MYT1: variants seen among roughly 807,000 people sequenced by gnomAD.
MYT1 encodes myelin transcription factor I.
Under a neutral mutation model 123.0 loss-of-function variants are expected in MYT1, and 23 were observed. The ratio of observed to expected loss-of-function variants is 0.19; its 90% CI spans 0.13 to 0.26. The LOEUF is 0.26. MYT1 is among the 10% of genes least tolerant of loss of function. MYT1 has a pLI of 1.00. For synonymous variants in MYT1, 518 were observed against 575.3 expected, an observed-to-expected ratio of 0.90 and a Z score of 1.43; for missense variants, 1,125 against 1,472.5, an observed-to-expected ratio of 0.76 and a Z score of 3.86.
chr20:64,201,447 TC>T (rs1983295436), intron 4 of MYT1, among the ~76,000 whole-genome samples: 2 of 140,718 alleles, frequency 1.4e-5, no homozygotes, highest in Admixed American at 1.4e-4. Flanking sequence ...AATAATTTCT[TC>T]AGCAATTCTT....
At chr20:64,188,277 C>G (rs961689519) in intron 1 of MYT1, among the ~76,000 whole-genome samples, 1 of 152,162 alleles carries the variant, frequency 6.6e-6, no homozygotes, top group Non-Finnish European at 1.5e-5. Flanking sequence ...GAGTCGCACT[C>G]GGGAGAGGCA....
At chr20:64,215,666 C>T (rs1009375022) in intron 10 of MYT1, among the ~76,000 whole-genome samples, 1 of 151,922 alleles carries the variant, frequency 6.6e-6, no homozygotes, top group Non-Finnish European at 1.5e-5. Flanking sequence ...CTCACTATAA[C>T]CTCAAACTCC....
chr20:64,205,453 G>A, intron 5 of MYT1, 100 bp from the exon 6 acceptor site: 1 of 1,518,292 alleles, frequency 6.6e-7, no homozygotes, highest in African/African-American at 1.4e-5. Flanking sequence ...AGTCTGTGGG[G>A]AAGGGAGGGA....
At chr20:64,206,535 C>T (rs780096340) in intron 6 of MYT1, among the ~76,000 whole-genome samples, 2 of 152,102 alleles carry the variant, frequency 1.3e-5, no homozygotes, top group African/African-American at 2.4e-5. Context: ...GCCCAAGGTC[C>T]ACTCCCCCCA....
At chr20:64,238,574 C>T (rs933037105) in intron 21 of MYT1, among the ~76,000 whole-genome samples, 1 of 148,856 alleles carries the variant, frequency 6.7e-6, no homozygotes, top group African/African-American at 2.5e-5. Context: ...GTCGATGTTG[C>T]ATCCCCCCAG....
Position 64,186,106 on chromosome 20 carries a change from A to G in MYT1, c.-98-3957A>G, listed in dbSNP as rs1982792187. 6.6e-6 allele frequency among the ~76,000 whole-genome samples: 1 copy of G among 152,102 alleles called. No individual in the cohort carries two copies. Among genetic ancestry groups the G allele is most frequent in the Non-Finnish European group, 1.5e-5 (1 of 67,994 alleles). The stretch of plus-strand genomic sequence containing the variant: ...TTCCCTCTCCTCTGGACCTTTGTGC[A>G]TCAATCTCAGCTGAGGAGGCCCTGT... On this transcript the variant is annotated intron_variant, in intron 1 of 22. Transcript: ENST00000328439. The surrounding 1 kb of genome is among the most constrained non-coding windows in gnomAD (Gnocchi z 4.3).
At chr20:64,201,049 G>T (rs1983282905) in intron 4 of MYT1, among the ~76,000 whole-genome samples, 1 of 152,214 alleles carries the variant, frequency 6.6e-6, no homozygotes. Flanking sequence ...GGTGCCACGT[G>T]GAGTCGCCCA....
In MYT1 at chr20:64,191,271, A is replaced by G. The variant is rs1982961371; in HGVS notation, c.-1+1111A>G. ...CAGGGTATAAGATCTCCCTTCGGGG[A>G]CACTCCCGAACTGTGACATCACATG... On this transcript the variant is annotated intron_variant, in intron 2 of 22. Transcript: ENST00000328439. The surrounding 1 kb of genome is among the most constrained non-coding windows in gnomAD (Gnocchi z 4.1). Among the ~76,000 whole-genome samples, 1 of 152,016 alleles carries G rather than the reference A, an allele frequency of 6.6e-6. No homozygotes were observed.
In MYT1 at chr20:64,218,831, C is replaced by T. The variant is rs772535781; in HGVS notation, c.1847-80C>T. The T allele has an allele frequency of 5.0e-6, 8 of 1,599,166 alleles. No individual in the cohort carries two copies. The South Asian group carries it at 6.6e-5, about 13-fold the overall frequency. On this transcript the variant is annotated intron_variant, in intron 11 of 22. Coordinates refer to ENST00000328439, the MANE Select transcript of MYT1 (RefSeq NM_004535.3). The surrounding 1 kb of genome is among the most constrained non-coding windows in gnomAD (Gnocchi z 4.0). ...CCTGGTGTTGTTCCCTTTTTGCAGC[C>T]AAACCTTTCCCAAAGGCCTCTTCCC...
intron 4 of MYT1, among the ~76,000 whole-genome samples, chr20:64,200,655 C>T (rs73157482): frequency 0.098 from 14,889 of 152,266 alleles, 854 homozygotes; most frequent in South Asian, 0.13. Flanking sequence ...GCGTCAGTCA[C>T]ACATCACAGT....
chr20:64,238,896 C>T (rs1368608493), intron 21 of MYT1, among the ~76,000 whole-genome samples: 4 of 152,188 alleles, frequency 2.6e-5, no homozygotes, highest in Non-Finnish European at 2.9e-5. Context: ...GTGCCCTCTG[C>T]GGAAGGGCAA....
At chr20:64,211,019 C>T (rs1212326023) in intron 7 of MYT1, among the ~76,000 whole-genome samples, 187 bp from the exon 8 acceptor site, 1 of 152,240 alleles carries the variant, frequency 6.6e-6, no homozygotes, top group African/African-American at 2.4e-5. Context: ...TCCGCACAGG[C>T]AGCCAGTGTG....
In MYT1 at chr20:64,207,818, G is replaced by A. The variant is rs903442892; in HGVS notation, c.622G>A (p.Glu208Lys). The A allele has an allele frequency of 1.1e-5, 18 of 1,613,784 alleles. No homozygotes were observed. The highest frequency in any genetic ancestry group is 4.0e-5 in the African/African-American group (3 of 74,982). ...GGAGGCTGCAGAGGGAGCTGCCAGC[G>A]AGGAGGGTGAAAAGGGCCTCTTCAT... ...LQEAAEGAASEEGEKGLFIQP... is the reference protein window; with the variant it reads ...LQEAAEGAASKEGEKGLFIQP... The change falls in exon 7 of 23, where the codon GAG (glutamate) becomes AAG (lysine). Residue 208 changes from glutamate to lysine, a missense_variant. Glu to Lys is a moderately conservative substitution (Grantham distance 56, BLOSUM62 1). Transcript: ENST00000328439.
chr20:64,229,786 C>T (rs1336712835), intron 18 of MYT1, among the ~76,000 whole-genome samples: 4 of 152,196 alleles, frequency 2.6e-5, no homozygotes, highest in African/African-American at 9.7e-5. Context: ...AAAATTAAGT[C>T]ACATCAGGCG....
At chr20:64,239,682 T>G in intron 21 of MYT1, 78 bp from the exon 22 acceptor site, 2 of 1,588,156 alleles carry the variant, frequency 1.3e-6, no homozygotes, top group Non-Finnish European at 1.7e-6. Context: ...CAGAGGGTTG[T>G]GAGAGGCAGC....
intron 21 of MYT1, 146 bp from the exon 22 acceptor site, chr20:64,239,614 C>T (rs1984652772): frequency 1.8e-6 from 2 of 1,134,472 alleles, no homozygotes; most frequent in South Asian, 1.6e-5. Context: ...GTGGCAGAAC[C>T]CCCTACAGGA....
intron 4 of MYT1, among the ~76,000 whole-genome samples, chr20:64,201,930 C>T (rs1034508055): frequency 9.9e-4 from 71 of 71,632 alleles, no homozygotes; most frequent in East Asian, 8.0e-3. Flanking sequence ...GTCGGGAACC[C>T]CCGCGTGTCG....
intron 19 of MYT1, among the ~76,000 whole-genome samples, chr20:64,235,374 G>A (rs141462046): frequency 0.021 from 2,838 of 135,840 alleles, 53 homozygotes; most frequent in Middle Eastern, 0.03. Flanking sequence ...GGGTGACACT[G>A]GGCTGGTGGT....
At chr20:64,221,578 G>A (rs1048611001) in intron 13 of MYT1, among the ~76,000 whole-genome samples, 1 of 152,210 alleles carries the variant, frequency 6.6e-6, no homozygotes. Context: ...TGATGTTTAC[G>A]CTGCGGAGTG....
Sources: gnomAD v4.1 joint callset for allele counts (sites outside exome capture counted in the v4.1 genomes callset) on GRCh38, gnomAD v4.1.1 for gene constraint, Gnocchi (gnomAD v3.1) non-coding constraint, MANE v1.5 for transcripts, NCBI Gene and HGNC (gene_info 2026-07-23, HGNC 2026-07-21) for gene names.